The following TTF2 variants were observed in gnomAD, a reference collection of about 807,000 sequenced individuals.
The protein encoded by TTF2 is transcription termination factor 2, also known as RNA polymerase II termination factor.
Under a neutral mutation model 142.4 loss-of-function variants are expected in TTF2, and 108 were observed. The observed-to-expected ratio is 0.76, with a 90% CI of 0.65 to 0.89. TTF2 has a LOEUF of 0.89. TTF2 is among the 40% of genes least tolerant of loss of function. TTF2 has a pLI of 0.00. For missense variants in TTF2, 1,327 were observed against 1,379.8 expected (o/e 0.96, Z 0.61); for synonymous variants, 483 against 506.2 (o/e 0.95, Z 0.61).
At position 117,107,084 on chromosome 1, in the gene TTF2, G is replaced by A. The variant is rs1650000203; in HGVS notation, c.*5560G>A. The A allele has an allele frequency of 6.6e-6, 1 of 152,124 alleles. No individual in the cohort carries two copies. Among genetic ancestry groups the A allele is most frequent in the East Asian group, 1.9e-4 (1 of 5,184 alleles). 9.4% of individuals were successfully genotyped at this position (152,124 alleles called of 1,614,324 possible). On this transcript the variant is annotated 3_prime_UTR_variant, in exon 23 of 23. Coordinates refer to ENST00000369466, the MANE Select transcript of TTF2 (RefSeq NM_003594.4). ...TGCTCACAATTCAAAGGTGATTTCT[G>A]AAGCACTTTGTTACACTGGGGACAG... is the stretch of plus-strand genomic sequence containing the variant.
rs1230152881 is a variant in TTF2 at position 117,097,113 on chromosome 1, C to G, written c.3187-238C>G. On this transcript the variant is annotated intron_variant, in intron 20 of 22. Coordinates refer to ENST00000369466, the MANE Select transcript of TTF2 (RefSeq NM_003594.4). The surrounding 1 kb of genome is among the most constrained non-coding windows in gnomAD (Gnocchi z 4.1). ...CAGTATTTATATATTTTGGCAAGCA[C>G]TCAGTTAATTTTTTGAGGTTGACTC... Among the ~76,000 whole-genome samples, 2 of 151,988 alleles carry G rather than the reference C, an allele frequency of 1.3e-5. No individual in the cohort carries two copies. The highest frequency in any genetic ancestry group is 1.3e-4 in the Admixed American group (2 of 15,248).
At position 117,086,558 on chromosome 1, in the gene TTF2, A is replaced by C; in HGVS notation, c.2160+36A>C. ...GGGGCAGCCAGGGAAGTGGAGTTGGAGCCACAGATGGTTTAATGGGAGTCT... is the reference window on the plus strand; with the variant it reads ...GGGGCAGCCAGGGAAGTGGAGTTGGCGCCACAGATGGTTTAATGGGAGTCT... On this transcript the variant is annotated intron_variant, in intron 12 of 22. Transcript: ENST00000369466. This position sits in a 1 kb window ranked among gnomAD's most constrained non-coding sequence, Gnocchi z 4.2. 1 of 1,508,432 alleles carries C rather than the reference A, an allele frequency of 6.6e-7. No homozygotes were observed. Among genetic ancestry groups the C allele is most frequent in the Non-Finnish European group, 9.2e-7 (1 of 1,087,524 alleles). The allele number at this position is 1,508,432 out of a possible 1,614,324, so 93.4% of individuals were successfully genotyped here. A position where few individuals can be genotyped will look rare whatever the true frequency, so the allele number is the denominator to read the frequency against.
intron 3 of TTF2, among the ~76,000 whole-genome samples, chr1:117,069,962 A>G (rs146914739): frequency 7.2e-5 from 11 of 152,360 alleles, no homozygotes; most frequent in Admixed American, 7.2e-4. Context: ...CTTATAGTGG[A>G]ATTGATATTT....
At chr1:117,084,838 G>A (rs1011221094) in intron 11 of TTF2, among the ~76,000 whole-genome samples, 1 of 152,132 alleles carries the variant, frequency 6.6e-6, no homozygotes, top group African/African-American at 2.4e-5. Context: ...AGTTATTTCT[G>A]CCTCTAAGTA....
At chr1:117,081,684 C>A (rs527755112) in intron 9 of TTF2, 144 bp from the exon 10 acceptor site, 81 of 935,522 alleles carry the variant, frequency 8.7e-5, no homozygotes, top group Admixed American at 1.8e-4. Flanking sequence ...GATAAAGGAG[C>A]CATTAAGGTA....
chr1:117,076,762 T>A lies in TTF2; in HGVS notation c.1512T>A (p.Gly504=). ...CTCGTCGTGGTACCCAACCTGTGGG[T>A]TCTCTAGAACTAAAGTCTGCCTGCC... ...PLPRRGTQPV[G]SLELKSACQV... Residue 504 remains glycine (G), a synonymous_variant, in exon 7 of 23, where the codon GGT becomes GGA. Transcript: ENST00000369466. The surrounding 1 kb of genome is among the most constrained non-coding windows in gnomAD (Gnocchi z 4.6). 6.2e-7 allele frequency: 1 copy of A among 1,614,114 alleles called. No homozygotes were observed. The highest frequency in any genetic ancestry group is 8.5e-7 in the Non-Finnish European group (1 of 1,180,018).
intron 3 of TTF2, among the ~76,000 whole-genome samples, chr1:117,066,532 C>T (rs1270115994): frequency 2.0e-5 from 3 of 152,004 alleles, no homozygotes. Context: ...GTGTGATGGC[C>T]TCGGTCTGGT....
rs577715800 is a variant in TTF2 at position 117,073,261 on chromosome 1, C to T, written c.219-400C>T. Among the ~76,000 whole-genome samples, 3 of 151,938 alleles carry T rather than the reference C, an allele frequency of 2.0e-5. No homozygotes were observed. The highest frequency in any genetic ancestry group is 2.9e-5 in the Non-Finnish European group (2 of 67,984). On this transcript the variant is annotated intron_variant, in intron 3 of 22. Coordinates refer to ENST00000369466, the MANE Select transcript of TTF2 (RefSeq NM_003594.4). The surrounding 1 kb of genome is among the most constrained non-coding windows in gnomAD (Gnocchi z 4.4). ...GTTAGTTTTTTGTTTGTTTTGGCTT[C>T]GTTGTTTTGGGGTTTTTTTTGGGGC...
In TTF2 at chr1:117,090,055, G is replaced by T. The variant is rs751779453; in HGVS notation, c.2343G>T (p.Lys781Asn). The change falls in exon 14 of 23, where the codon AAG becomes AAT. Residue 781 changes from lysine (K) to asparagine (N), a missense_variant and splice_region_variant. Physicochemically the swap from Lys to Asn is moderately conservative, Grantham distance 94. Coordinates refer to ENST00000369466, the MANE Select transcript of TTF2 (RefSeq NM_003594.4). The surrounding 1 kb of genome is among the most constrained non-coding windows in gnomAD (Gnocchi z 4.8). ...NNLLDMYSLL[K>N]FLRCSPFDEF... ...GTGCCCTTCTTCCTCAACAAAAAAG[G>T]TTTCTCCGTTGCTCTCCATTTGATG... The T allele has an allele frequency of 6.2e-6, 10 of 1,612,016 alleles. No homozygotes were observed. In the South Asian group the frequency reaches 9.9e-5, roughly 16 times the overall value.
intron 22 of TTF2, 47 bp downstream of exon 22, chr1:117,098,954 T>C (rs1649377957): frequency 1.3e-6 from 2 of 1,523,738 alleles, no homozygotes; most frequent in African/African-American, 2.8e-5. Flanking sequence ...ACTTGTACTT[T>C]GTGAAAGTCT....
At position 117,079,524 on chromosome 1, in the gene TTF2, T is replaced by C; in HGVS notation, c.1702-44T>C. On this transcript the variant is annotated intron_variant, in intron 8 of 22. Transcript: ENST00000369466. The surrounding 1 kb of genome is among the most constrained non-coding windows in gnomAD (Gnocchi z 4.2). ...GTGTAGCCAGGCTCGGCATAGCCTC[T>C]CATTAGGAATTTATGCTTAGCATTT... is the stretch of plus-strand genomic sequence containing the variant. 6.3e-7 allele frequency: 1 copy of C among 1,592,262 alleles called. No homozygotes were observed. The highest frequency in any genetic ancestry group is 8.6e-7 in the Non-Finnish European group (1 of 1,160,188).
chr1:117,100,333 A>G lies in TTF2; in HGVS notation c.3345-1047A>G, dbSNP rs1298399819. 2.0e-5 allele frequency among the ~76,000 whole-genome samples: 3 copies of G among 152,040 alleles called. No homozygotes were observed. Among genetic ancestry groups the G allele is most frequent in the Non-Finnish European group, 2.9e-5 (2 of 68,008 alleles). ...TAGTTATATTTTCTAAATGTTTCTGATAACCATTTCTTCCTTCCCATGCCC... is the reference window on the plus strand; with the variant it reads ...TAGTTATATTTTCTAAATGTTTCTGGTAACCATTTCTTCCTTCCCATGCCC... On this transcript the variant is annotated intron_variant, in intron 22 of 22. Transcript: ENST00000369466. The surrounding 1 kb of genome is among the most constrained non-coding windows in gnomAD (Gnocchi z 4.6).
At chr1:117,069,312 C>T (rs768110485) in intron 3 of TTF2, among the ~76,000 whole-genome samples, 1 of 152,106 alleles carries the variant, frequency 6.6e-6, no homozygotes, top group Non-Finnish European at 1.5e-5. Context: ...AAATTGAAGA[C>T]GTTCAGATGC....
At chr1:117,091,518 C>T (rs1475914047) in intron 16 of TTF2, 108 bp downstream of exon 16, 7 of 1,192,110 alleles carry the variant, frequency 5.9e-6, no homozygotes, top group African/African-American at 3.1e-5. Flanking sequence ...AGAGATTTGG[C>T]GTTAACTAAG....
Position 117,090,013 on chromosome 1 carries a change from T to A in TTF2, c.2343-42T>A. The A allele has an allele frequency of 6.3e-7, 1 of 1,584,596 alleles. No individual in the cohort carries two copies. Among genetic ancestry groups the A allele is most frequent in the Non-Finnish European group, 8.6e-7 (1 of 1,166,012 alleles). ...GAACCTTTATTCCATTCTCCCTGAC[T>A]TTTCCTTCCCTACTCTGTGCCCTTC... On this transcript the variant is annotated intron_variant, in intron 13 of 22. Transcript: ENST00000369466. This position sits in a 1 kb window ranked among gnomAD's most constrained non-coding sequence, Gnocchi z 4.8.
chr1:117,084,307 A>G, intron 11 of TTF2, 139 bp downstream of exon 11: 1 of 1,087,376 alleles, frequency 9.2e-7, no homozygotes, highest in Non-Finnish European at 1.3e-6. Context: ...TAGTCTCGTC[A>G]CCATACAGCC....
chr1:117,086,650 T>G lies in TTF2; in HGVS notation c.2160+128T>G, dbSNP rs1262845399. ...AGGAATGCTGTAAATGATCCGCATG[T>G]GGAAAGGAATTGTTCTTTCCTCTAT... is the stretch of plus-strand genomic sequence containing the variant. On this transcript the variant is annotated intron_variant, in intron 12 of 22. Coordinates refer to ENST00000369466, the MANE Select transcript of TTF2 (RefSeq NM_003594.4). The surrounding 1 kb of genome is among the most constrained non-coding windows in gnomAD (Gnocchi z 4.2). 36 of 656,732 alleles carry G rather than the reference T, an allele frequency of 5.5e-5. 1 individual carries two copies. Among genetic ancestry groups the G allele is most frequent in the South Asian group, 2.4e-4 (13 of 54,694 alleles). 40.7% of individuals were successfully genotyped at this position (656,732 alleles called of 1,614,324 possible). A position where few individuals can be genotyped will look rare whatever the true frequency, so the allele number is the denominator to read the frequency against.
chr1:117,084,227 G>A (rs1647808245), intron 11 of TTF2, 59 bp downstream of exon 11: 2 of 1,600,748 alleles, frequency 1.2e-6, no homozygotes, highest in African/African-American at 1.3e-5. Context: ...AGGGCCCACG[G>A]GCCTTTGCTC....
rs1393396296 is a variant in TTF2, at chr1:117,092,335, C to T, written c.2805+385C>T. ...CAGGCAGTTTTGGGGTTTTGGGTTC[C>T]AGTTATAAAAACTCAGATAGTTATA... is the stretch of plus-strand genomic sequence containing the variant. On this transcript the variant is annotated intron_variant, in intron 17 of 22. Coordinates refer to ENST00000369466, the MANE Select transcript of TTF2 (RefSeq NM_003594.4). This position sits in a 1 kb window ranked among gnomAD's most constrained non-coding sequence, Gnocchi z 4.4. Among the ~76,000 whole-genome samples the T allele has an allele frequency of 6.6e-6, 1 of 152,046 alleles. No homozygotes were observed. Among genetic ancestry groups the T allele is most frequent in the Admixed American group, 6.5e-5 (1 of 15,270 alleles).
Sources: gnomAD v4.1 joint callset for allele counts (sites outside exome capture counted in the v4.1 genomes callset) on GRCh38, gnomAD v4.1.1 for gene constraint, Gnocchi (gnomAD v3.1) non-coding constraint, MANE v1.5 for transcripts, NCBI Gene and HGNC (gene_info 2026-07-23, HGNC 2026-07-21) for gene names.